The following CSMD1 variants were observed in gnomAD, a reference collection of about 807,000 sequenced individuals.
The protein encoded by CSMD1 is CUB and Sushi multiple domains 1, also known as CUB and sushi domain-containing protein 1.
CSMD1 carries 213 observed loss-of-function variants against 417.5 expected under a neutral mutation model. That is an observed-to-expected ratio of 0.51 (90% CI 0.46 to 0.57). The LOEUF (loss-of-function observed/expected upper bound fraction) is 0.57, where lower values mean the gene tolerates loss of function less well. Among genes scored for constraint, CSMD1 ranks in the 20% least tolerant of loss-of-function variants. The pLI is 0.00. For synonymous variants in CSMD1, 2,862 were observed against 1,736.8 expected (o/e 1.65, Z -16.11); for missense variants, 6,923 against 4,529.7 (o/e 1.53, Z -15.17).
chr8:4,192,249 G>A lies in CSMD1; in HGVS notation c.416-160150C>T, dbSNP rs541974988. On this transcript the variant is annotated intron_variant, in intron 3 of 69. Transcript: ENST00000635120. ...ATGTTAACAAAATATAGTTCGTTAG[G>A]ATTATAAATTAGATGACTGTCTAGA... 2.6e-5 allele frequency among the ~76,000 whole-genome samples: 4 copies of A among 152,228 alleles called. No homozygotes were observed. In the South Asian group the frequency reaches 6.2e-4, roughly 24 times the overall value.
intron 2 of CSMD1, among the ~76,000 whole-genome samples, chr8:4,423,227 A>G (rs1209417261): frequency 6.6e-6 from 1 of 152,086 alleles, no homozygotes; most frequent in Non-Finnish European, 1.5e-5. Context: ...AATACAAGAA[A>G]AGAAAATATA....
chr8:2,940,145 C>T (rs1801766803), intron 69 of CSMD1, among the ~76,000 whole-genome samples: 1 of 152,172 alleles, frequency 6.6e-6, no homozygotes, highest in East Asian at 1.9e-4. Flanking sequence ...CCTGAGAAGC[C>T]AGTGTAGAGA....
chr8:4,399,941 A>G (rs1804535352), intron 3 of CSMD1, among the ~76,000 whole-genome samples: 1 of 152,146 alleles, frequency 6.6e-6, no homozygotes, highest in African/African-American at 2.4e-5. Context: ...TCCAGACCTC[A>G]TCTAGGGCTC....
At chr8:3,413,761 T>C (rs1812958496) in intron 12 of CSMD1, among the ~76,000 whole-genome samples, 1 of 152,106 alleles carries the variant, frequency 6.6e-6, no homozygotes, top group Non-Finnish European at 1.5e-5. Context: ...AGAAGATGAG[T>C]AAGATACTGT....
chr8:4,443,635 G>A (rs1335368379), intron 2 of CSMD1, among the ~76,000 whole-genome samples: 3 of 152,316 alleles, frequency 2.0e-5, no homozygotes, highest in African/African-American at 7.2e-5. Context: ...TACTGGAACA[G>A]CCATGCCGTT....
intron 7 of CSMD1, among the ~76,000 whole-genome samples, chr8:3,635,687 G>C (rs1298388462): frequency 6.7e-6 from 1 of 149,658 alleles, no homozygotes; most frequent in Non-Finnish European, 1.5e-5. Flanking sequence ...GATTCACTGT[G>C]TTAGCCAGGA....
intron 25 of CSMD1, among the ~76,000 whole-genome samples, chr8:3,297,385 G>C (rs532182470): frequency 1.3e-4 from 20 of 152,154 alleles, no homozygotes; most frequent in African/African-American, 4.6e-4. Context: ...ATATGAAGAA[G>C]AACAAAGCTA....
At chr8:3,574,303 C>T (rs932487516) in intron 10 of CSMD1, among the ~76,000 whole-genome samples, 4 of 152,226 alleles carry the variant, frequency 2.6e-5, no homozygotes, top group Admixed American at 6.5e-5. Flanking sequence ...TGCAGTGGCA[C>T]GATCTTGGCC....
At chr8:3,821,687 C>G (rs779881252) in intron 5 of CSMD1, among the ~76,000 whole-genome samples, 1 of 152,118 alleles carries the variant, frequency 6.6e-6, no homozygotes, top group Non-Finnish European at 1.5e-5. Context: ...GAGGCTGAGG[C>G]AAGAGAACTG....
At chr8:3,594,928 C>G (rs1404425434) in intron 8 of CSMD1, among the ~76,000 whole-genome samples, 1 of 152,160 alleles carries the variant, frequency 6.6e-6, no homozygotes, top group Non-Finnish European at 1.5e-5. Flanking sequence ...GAGGCAGAAG[C>G]AGGAATTCAG....
intron 3 of CSMD1, among the ~76,000 whole-genome samples, chr8:4,108,089 G>C (rs1190672917): frequency 2.1e-5 from 3 of 141,892 alleles, no homozygotes; most frequent in African/African-American, 5.2e-5. Context: ...GAGAGACAGA[G>C]AGAGAACAAG....
chr8:3,272,706 G>C (rs1253041051), intron 26 of CSMD1, among the ~76,000 whole-genome samples: 2 of 142,676 alleles, frequency 1.4e-5, no homozygotes, highest in Non-Finnish European at 3.1e-5. Flanking sequence ...GTGAATGGGA[G>C]TTCACTCCTG....
intron 10 of CSMD1, among the ~76,000 whole-genome samples, chr8:3,498,687 T>A (rs540579287): frequency 2.6e-5 from 4 of 152,352 alleles, no homozygotes; most frequent in African/African-American, 7.2e-5. Flanking sequence ...CATTCCTTAT[T>A]CTTACTTATT....
intron 4 of CSMD1, among the ~76,000 whole-genome samples, chr8:4,022,291 C>T (rs374024078): frequency 2.0e-5 from 3 of 151,610 alleles, no homozygotes; most frequent in African/African-American, 7.3e-5. Flanking sequence ...TTTCAGATTT[C>T]AGACAAGGAA....
rs546369165 is a variant in CSMD1 at position 4,389,933 on chromosome 8, C to A, written c.415+30020G>T. On this transcript the variant is annotated intron_variant, in intron 3 of 69. Coordinates refer to ENST00000635120, the MANE Select transcript of CSMD1 (RefSeq NM_033225.6). Reference sequence around the variant, plus strand: ...ACTGTTATAATTCTAGGATGAATAGCTCTGTGTATGTCCTATGATATGCAT... The same window carrying A: ...ACTGTTATAATTCTAGGATGAATAGATCTGTGTATGTCCTATGATATGCAT... Among the ~76,000 whole-genome samples the A allele has an allele frequency of 4.6e-5, 7 of 152,232 alleles. 1 individual carries two copies. The highest frequency in any genetic ancestry group is 2.6e-4 in the Admixed American group (4 of 15,292).
chr8:3,447,782 G>A (rs1815393754), intron 12 of CSMD1, among the ~76,000 whole-genome samples: 1 of 152,330 alleles, frequency 6.6e-6, no homozygotes, highest in African/African-American at 2.4e-5. Context: ...ATGTGGCAGT[G>A]GATGGAGGGT....
intron 2 of CSMD1, among the ~76,000 whole-genome samples, chr8:4,439,671 G>A (rs904325275): frequency 3.9e-5 from 6 of 152,134 alleles, no homozygotes; most frequent in African/African-American, 1.4e-4. Flanking sequence ...TGCGTACTAT[G>A]AAAATGTGTG....
At chr8:3,545,320 T>C (rs142345589) in intron 10 of CSMD1, among the ~76,000 whole-genome samples, 4 of 152,354 alleles carry the variant, frequency 2.6e-5, no homozygotes, top group Admixed American at 1.3e-4. Flanking sequence ...GAATTCTCTA[T>C]AGTACTACAT....
chr8:4,710,898 A>C (rs1808249954), intron 1 of CSMD1, among the ~76,000 whole-genome samples: 1 of 151,836 alleles, frequency 6.6e-6, no homozygotes, highest in Non-Finnish European at 1.5e-5. Flanking sequence ...AAAAAGACTT[A>C]CATAACTAGA....
Sources: gnomAD v4.1 joint callset for allele counts (sites outside exome capture counted in the v4.1 genomes callset) on GRCh38, gnomAD v4.1.1 for gene constraint, MANE v1.5 for transcripts, NCBI Gene and HGNC (gene_info 2026-07-23, HGNC 2026-07-21) for gene names.